AMACR: variants seen among roughly 807,000 people sequenced by gnomAD.
AMACR encodes 2-methylacyl-CoA racemase.
AMACR carries 18 observed loss-of-function variants against 22.2 expected under a neutral mutation model. The observed-to-expected ratio is 0.81, with a 90% CI of 0.56 to 1.20. The LOEUF is 1.20. Among genes scored for constraint, AMACR ranks in the 50% most tolerant of loss-of-function variants. AMACR has a pLI of 0.00. For missense variants in AMACR, 499 were observed against 490.6 expected (o/e 1.02, Z -0.16); for synonymous variants, 213 against 191.3 (o/e 1.11, Z -0.94).
At position 34,007,663 on chromosome 5, in the gene AMACR, G is replaced by A. The variant is rs1754025525; in HGVS notation, c.247+110C>T. ...ATCTGGAAGGCTGGGGCCGACAAGGGTTCTTGCGGCAACAGGGCAAAGGTG... is the reference window on the plus strand; with the variant it reads ...ATCTGGAAGGCTGGGGCCGACAAGGATTCTTGCGGCAACAGGGCAAAGGTG... On this transcript the variant is annotated intron_variant, in intron 1 of 4. Coordinates refer to ENST00000335606, the MANE Select transcript of AMACR (RefSeq NM_014324.6). The A allele has an allele frequency of 1.5e-5, 21 of 1,403,956 alleles. 1 individual carries two copies. In the South Asian group the frequency reaches 2.7e-4, roughly 18 times the overall value. The allele number at this position is 1,403,956 out of a possible 1,614,324, so 87.0% of individuals were successfully genotyped here. A position where few individuals can be genotyped will look rare whatever the true frequency, so the allele number is the denominator to read the frequency against.
In AMACR at chr5:33,987,610, T is replaced by C. The variant is rs1753334087; in HGVS notation, c.*1483A>G. ...TGATAATTTCATATTTTTGTGAGAC[T>C]GGGTTTTCCAGGCCATCTGATAAAA... is the stretch of plus-strand genomic sequence containing the variant. On this transcript the variant is annotated 3_prime_UTR_variant, in exon 5 of 5. Transcript: ENST00000335606. The C allele has an allele frequency of 6.6e-6, 1 of 152,218 alleles. No homozygotes were observed. Among genetic ancestry groups the C allele is most frequent in the Non-Finnish European group, 1.5e-5 (1 of 68,040 alleles). 9.4% of individuals were successfully genotyped at this position (152,218 alleles called of 1,614,324 possible).
In AMACR at chr5:33,989,096, G is replaced by A; in HGVS notation, c.1146C>T (p.Leu382=). Residue 382 remains leucine (L), a synonymous_variant, in exon 5 of 5, where the codon CTC becomes CTT. Transcript: ENST00000335606. ...IIESNKVKAS[L] ...ACTTGAGCCGTGGGCCTGGAAGTTAGAGACTAGCTTTTACCTTATTACTTT... is the reference window on the plus strand; with the variant it reads ...ACTTGAGCCGTGGGCCTGGAAGTTAAAGACTAGCTTTTACCTTATTACTTT... 3 of 1,614,190 alleles carry A rather than the reference G, an allele frequency of 1.9e-6. No homozygotes were observed. The highest frequency in any genetic ancestry group is 2.5e-6 in the Non-Finnish European group (3 of 1,180,040).
chr5:33,993,666 GT>G (rs1753549668), intron 4 of AMACR, among the ~76,000 whole-genome samples: 1 of 152,098 alleles, frequency 6.6e-6, no homozygotes. Flanking sequence ...GGGAGGCTAA[GT>G]GGGGGCAGAT....
intron 4 of AMACR, 147 bp downstream of exon 4, chr5:33,998,494 C>T: frequency 1.4e-6 from 1 of 724,454 alleles, no homozygotes; most frequent in African/African-American, 1.8e-5. Flanking sequence ...TGGAAAATGC[C>T]CCACATTATA....
chr5:33,999,187 T>C (rs1034832173), intron 3 of AMACR, among the ~76,000 whole-genome samples: 1 of 152,186 alleles, frequency 6.6e-6, no homozygotes. Context: ...ACTGCCAAGA[T>C]AAAAAGTTAA....
At chr5:33,992,274 T>C (rs1416968968) in intron 4 of AMACR, among the ~76,000 whole-genome samples, 2 of 152,036 alleles carry the variant, frequency 1.3e-5, no homozygotes, top group Admixed American at 1.3e-4. Flanking sequence ...AGATCAAAAA[T>C]ATGATATGGC....
chr5:33,987,245 T>G lies in AMACR; in HGVS notation c.*1848A>C. 6.5e-6 allele frequency: 1 copy of G among 152,730 alleles called. No homozygotes were observed. Among genetic ancestry groups the G allele is most frequent in the Non-Finnish European group, 1.5e-5 (1 of 68,068 alleles). The allele number at this position is 152,730 out of a possible 1,614,324, so 9.5% of individuals were successfully genotyped here. A position where few individuals can be genotyped will look rare whatever the true frequency, so the allele number is the denominator to read the frequency against. ...CAAGTTCCCCAGGCTGGTCTCGAAC[T>G]CTTGGCCTCAAGTGATCCTCCATGC... On this transcript the variant is annotated 3_prime_UTR_variant, in exon 5 of 5. Coordinates refer to ENST00000335606, the MANE Select transcript of AMACR (RefSeq NM_014324.6).
In AMACR at chr5:34,004,601, G is replaced by T; in HGVS notation, c.525C>A (p.Gly175=). 6.2e-7 allele frequency: 1 copy of T among 1,614,118 alleles called. No individual in the cohort carries two copies. Among genetic ancestry groups the T allele is most frequent in the Non-Finnish European group, 8.5e-7 (1 of 1,180,020 alleles). Residue 175 remains glycine (G), a synonymous_variant, in exon 3 of 5, where the codon GGC becomes GGA. Coordinates refer to ENST00000335606, the MANE Select transcript of AMACR (RefSeq NM_014324.6). ...IMALFDRTRT[G]KGQVIDANMV... ...TATTTGCATCAATGACCTGACCCTT[G>T]CCAGTGCGTGTGCGGTCAAAAAGAG... is the stretch of plus-strand genomic sequence containing the variant.
chr5:34,001,534 G>T (rs1472683421), intron 3 of AMACR, among the ~76,000 whole-genome samples: 2 of 152,232 alleles, frequency 1.3e-5, no homozygotes, highest in African/African-American at 4.8e-5. Context: ...TTAGGTCACA[G>T]CTCATTATGT....
At chr5:33,993,921 A>T (rs1343736947) in intron 4 of AMACR, 3 of 369,436 alleles carry the variant, frequency 8.1e-6, no homozygotes, top group South Asian at 4.0e-5. Context: ...CTGATAAAAC[A>T]GCTTTTGAAA....
In AMACR at chr5:33,988,290, T is replaced by TG. The variant is rs1403189340; in HGVS notation, c.*802dup. 8 of 1,535,928 alleles carry TG rather than the reference T, an allele frequency of 5.2e-6. No individual in the cohort carries two copies. The highest frequency in any genetic ancestry group is 2.4e-5 in the East Asian group (1 of 41,190). ...TCCAAGGAGACACAAAACGACTTGCTGGGGGGTCCTGAGATCTTTATTTCT... is the reference window on the plus strand; with the variant it reads ...TCCAAGGAGACACAAAACGACTTGCTGGGGGGGTCCTGAGATCTTTATTTCT... On this transcript the variant is annotated 3_prime_UTR_variant, in exon 5 of 5. Coordinates refer to ENST00000335606, the MANE Select transcript of AMACR (RefSeq NM_014324.6).
intron 4 of AMACR, chr5:33,997,560 A>G (rs1209298924): frequency 3.9e-6 from 3 of 775,302 alleles, no homozygotes; most frequent in Non-Finnish European, 7.2e-6. Flanking sequence ...ATCATTTGCT[A>G]TCTTCATCAG....
At position 33,990,144 on chromosome 5, in the gene AMACR, T is replaced by TCATCCATCCACCCATC. The variant is rs1403557109; in HGVS notation, c.740-658_740-643dup. On this transcript the variant is annotated intron_variant, in intron 4 of 4. Coordinates refer to ENST00000335606, the MANE Select transcript of AMACR (RefSeq NM_014324.6). Reference sequence around the variant, plus strand: ...AACACAGCAAGACCCCCATCATCCATCATCCATCCACCCATCCATCCATCC... The same window carrying TCATCCATCCACCCATC: ...AACACAGCAAGACCCCCATCATCCATCATCCATCCACCCATCCATCCATCCACCCATCCATCCATCC... Among the ~76,000 whole-genome samples, 11 of 152,246 alleles carry TCATCCATCCACCCATC rather than the reference T, an allele frequency of 7.2e-5. No individual in the cohort carries two copies. The South Asian group carries it at 2.3e-3, about 32-fold the overall frequency.
chr5:34,004,491 T>G (rs1441427501), intron 3 of AMACR, 83 bp downstream of exon 3: 2 of 1,563,072 alleles, frequency 1.3e-6, no homozygotes, highest in African/African-American at 2.8e-5. Context: ...ATCTCTTGTC[T>G]TCTTCTTCAA....
chr5:34,005,611 C>A (rs1753947743), intron 2 of AMACR, 145 bp downstream of exon 2: 1 of 1,010,312 alleles, frequency 9.9e-7, no homozygotes, highest in East Asian at 2.6e-5. Flanking sequence ...AAGACTCAAA[C>A]CGATCCATTT....
intron 3 of AMACR, among the ~76,000 whole-genome samples, chr5:34,004,167 TCTACCAG>T (rs1753899030): frequency 6.6e-6 from 1 of 152,202 alleles, no homozygotes; most frequent in Admixed American, 6.5e-5. Flanking sequence ...AAGAATTTTC[TCTACCAG>T]CTGAGGGAGA....
At position 34,008,023 on chromosome 5, in the gene AMACR, G is replaced by A. The variant is rs1417489975; in HGVS notation, c.-4C>T. ...CCGAGATGCCCTGCAGTGCCATGGC[G>A]CTTCCCAGTGCCCCGCTGAAGGAAA... On this transcript the variant is annotated 5_prime_UTR_variant, in exon 1 of 5. Transcript: ENST00000335606. 3 of 1,609,524 alleles carry A rather than the reference G, an allele frequency of 1.9e-6. No homozygotes were observed. Among genetic ancestry groups the A allele is most frequent in the African/African-American group, 1.3e-5 (1 of 74,888 alleles).
In AMACR at chr5:33,990,205, C is replaced by T. The variant is rs774527205; in HGVS notation, c.740-703G>A. ...ACATACATTTTTAAAATAAAAGAGCCCAAAAGGGCTTTGTACTAGGATGAA... is the reference window on the plus strand; with the variant it reads ...ACATACATTTTTAAAATAAAAGAGCTCAAAAGGGCTTTGTACTAGGATGAA... On this transcript the variant is annotated intron_variant, in intron 4 of 4. Coordinates refer to ENST00000335606, the MANE Select transcript of AMACR (RefSeq NM_014324.6). Among the ~76,000 whole-genome samples, 150 of 152,202 alleles carry T rather than the reference C, an allele frequency of 9.9e-4. 1 individual carries two copies. In the Middle Eastern group the frequency reaches 0.01, roughly 10 times the overall value.
At chr5:33,994,561 T>C (rs957798274) in intron 4 of AMACR, among the ~76,000 whole-genome samples, 4 of 152,178 alleles carry the variant, frequency 2.6e-5, no homozygotes, top group Non-Finnish European at 4.4e-5. Context: ...AAAAGTACTA[T>C]TTTTGTAAAT....
Sources: gnomAD v4.1 joint callset for allele counts (sites outside exome capture counted in the v4.1 genomes callset) on GRCh38, gnomAD v4.1.1 for gene constraint, MANE v1.5 for transcripts, NCBI Gene and HGNC (gene_info 2026-07-23, HGNC 2026-07-21) for gene names.